The following DTNA variants were observed in gnomAD, a reference collection of about 807,000 sequenced individuals.
DTNA encodes the protein dystrobrevin alpha, also known as dystrophin-related protein 3.
DTNA carries 43 observed loss-of-function variants against 100.7 expected under a neutral mutation model. The observed-to-expected ratio is 0.43, with a 90% confidence interval of 0.33 to 0.55. The LOEUF (loss-of-function observed/expected upper bound fraction) is 0.55, where lower values mean the gene tolerates loss of function less well. Ranked by LOEUF, DTNA falls within the 20% of genes least tolerant of loss-of-function variation. The pLI, the probability that DTNA is intolerant of heterozygous loss-of-function variation, is 0.04. For missense variants in DTNA, 798 were observed against 953.9 expected (o/e 0.84, Z 2.15); for synonymous variants, 349 against 347.9 (o/e 1.00, Z -0.04).
At chr18:34,517,218 T>C (rs1284881336) in intron 1 of DTNA, among the ~76,000 whole-genome samples, 2 of 152,110 alleles carry the variant, frequency 1.3e-5, no homozygotes, top group Non-Finnish European at 2.9e-5. Flanking sequence ...TGGAACGTCT[T>C]ACACTGAAGC....
At chr18:34,580,791 G>T (rs934167215) in intron 1 of DTNA, among the ~76,000 whole-genome samples, 1 of 152,122 alleles carries the variant, frequency 6.6e-6, no homozygotes, top group South Asian at 2.1e-4. Flanking sequence ...ACCTTGAGGG[G>T]ATCTCCATCA....
intron 13 of DTNA, among the ~76,000 whole-genome samples, chr18:34,847,643 G>C (rs976971620): frequency 6.6e-6 from 1 of 152,120 alleles, no homozygotes; most frequent in Non-Finnish European, 1.5e-5. Flanking sequence ...TCATCACCTA[G>C]GTCTTTCCAT....
intron 1 of DTNA, among the ~76,000 whole-genome samples, chr18:34,601,474 A>G (rs894009527): frequency 1.3e-5 from 2 of 152,162 alleles, no homozygotes; most frequent in Non-Finnish European, 2.9e-5. Context: ...TCTGGAGTCA[A>G]GTCCCTCCTC....
chr18:34,517,463 G>GTGTGTA (rs2041753409), intron 1 of DTNA, among the ~76,000 whole-genome samples: 1 of 149,264 alleles, frequency 6.7e-6, no homozygotes, highest in Non-Finnish European at 1.5e-5. Flanking sequence ...ATATACACGT[G>GTGTGTA]TGTGTGTGTG....
rs527934885 is a variant in DTNA at position 34,852,406 on chromosome 18, A to G, written c.1532+478A>G. 1.0e-3 allele frequency among the ~76,000 whole-genome samples: 158 copies of G among 152,250 alleles called. 1 individual carries two copies. The highest frequency in any genetic ancestry group is 1.8e-3 in the Non-Finnish European group (123 of 68,002). Reference sequence around the variant, plus strand: ...ATCCAAAGATCTCCACCTGCAGCCCATCAGCAGGTTCTTCCTCTATTCAAC... The same window carrying G: ...ATCCAAAGATCTCCACCTGCAGCCCGTCAGCAGGTTCTTCCTCTATTCAAC... On this transcript the variant is annotated intron_variant, in intron 15 of 22. Transcript: ENST00000444659.
intron 1 of DTNA, among the ~76,000 whole-genome samples, chr18:34,597,205 G>C (rs937390933): frequency 1.3e-5 from 2 of 152,090 alleles, no homozygotes; most frequent in Non-Finnish European, 2.9e-5. Flanking sequence ...TGGCTGTGCA[G>C]TATTATTTGT....
chr18:34,738,825 C>T (rs1361110055), intron 1 of DTNA, among the ~76,000 whole-genome samples: 9 of 152,180 alleles, frequency 5.9e-5, no homozygotes, highest in Non-Finnish European at 1.2e-4. Flanking sequence ...GTGCAGAATG[C>T]ATGCCTAGAG....
intron 1 of DTNA, among the ~76,000 whole-genome samples, chr18:34,625,609 CT>C (rs1220136900): frequency 3.9e-5 from 6 of 152,130 alleles, no homozygotes; most frequent in Non-Finnish European, 8.8e-5. Context: ...AAATATATGT[CT>C]ACATTTATAC....
In DTNA at chr18:34,888,605, A is replaced by T. The variant is rs187385677; in HGVS notation, c.*871A>T. On this transcript the variant is annotated 3_prime_UTR_variant, in exon 23 of 23. Transcript: ENST00000444659. ...ATAGAATCTAGTTTTTAAAATCAGC[A>T]CAGATCTTCTTAAAAACTGTGAACT... 5.5e-5 allele frequency: 54 copies of T among 985,886 alleles called. No homozygotes were observed. The East Asian group carries it at 5.7e-3, about 104-fold the overall frequency. The allele number at this position is 985,886 out of a possible 1,614,324, so 61.1% of individuals were successfully genotyped here.
chr18:34,704,978 C>T lies in DTNA; in HGVS notation c.-1-50998C>T, dbSNP rs575696676. ...CTGGGTTTACAGGATATGGGAATGTCACAGAGAGCGACCAGACAGGTACTT... is the reference window on the plus strand; with the variant it reads ...CTGGGTTTACAGGATATGGGAATGTTACAGAGAGCGACCAGACAGGTACTT... On this transcript the variant is annotated intron_variant, in intron 1 of 19. Transcript: ENST00000283365. Among the ~76,000 whole-genome samples, 147 of 152,264 alleles carry T rather than the reference C, an allele frequency of 9.7e-4. 1 individual carries two copies. Among genetic ancestry groups the T allele is most frequent in the Non-Finnish European group, 9.8e-4 (67 of 68,022 alleles).
intron 1 of DTNA, among the ~76,000 whole-genome samples, chr18:34,661,676 C>T (rs552957963): frequency 2.6e-4 from 39 of 152,246 alleles, no homozygotes; most frequent in African/African-American, 8.9e-4. Context: ...GGCATATTTT[C>T]ACCACTAGAG....
At chr18:34,537,497 A>G (rs1189126772) in intron 1 of DTNA, among the ~76,000 whole-genome samples, 1 of 152,016 alleles carries the variant, frequency 6.6e-6, no homozygotes, top group East Asian at 1.9e-4. Flanking sequence ...GATTAAAAAT[A>G]TAAATAACAT....
chr18:34,778,812 T>A (rs2094182328), intron 3 of DTNA, among the ~76,000 whole-genome samples: 1 of 149,968 alleles, frequency 6.7e-6, no homozygotes, highest in South Asian at 2.1e-4. Context: ...GAAAGTTTGT[T>A]GTTGTTGTTG....
chr18:34,686,757 C>T (rs1018312724), intron 1 of DTNA, among the ~76,000 whole-genome samples: 2 of 152,024 alleles, frequency 1.3e-5, no homozygotes, highest in African/African-American at 4.8e-5. Context: ...GGCTATGAAT[C>T]CGTCTAGTCC....
chr18:34,793,624 T>G (rs2094843767), intron 3 of DTNA, among the ~76,000 whole-genome samples: 2 of 152,334 alleles, frequency 1.3e-5, no homozygotes, highest in East Asian at 3.9e-4. Context: ...GCCTTTTCTT[T>G]TTGAGGGGGC....
chr18:34,695,049 A>G (rs1317518478), intron 1 of DTNA, among the ~76,000 whole-genome samples: 3 of 152,200 alleles, frequency 2.0e-5, no homozygotes, highest in Non-Finnish European at 4.4e-5. Context: ...CTCCTTTGGC[A>G]AAGAACATTT....
chr18:34,628,042 C>T (rs2057571990), intron 1 of DTNA, among the ~76,000 whole-genome samples: 1 of 152,108 alleles, frequency 6.6e-6, no homozygotes, highest in South Asian at 2.1e-4. Context: ...ACTTCTGCCT[C>T]AGCCTCCCAA....
intron 16 of DTNA, among the ~76,000 whole-genome samples, chr18:34,861,808 A>G (rs960535758): frequency 7.9e-5 from 12 of 152,134 alleles, no homozygotes; most frequent in Admixed American, 2.0e-4. Flanking sequence ...ATAAATGTAC[A>G]ATTAGATTTT....
chr18:34,534,051 A>G (rs1292278742), intron 1 of DTNA, among the ~76,000 whole-genome samples: 1 of 152,134 alleles, frequency 6.6e-6, no homozygotes, highest in Non-Finnish European at 1.5e-5. Flanking sequence ...AAGGGACTTC[A>G]AAAATACATT....
Sources: gnomAD v4.1 joint callset for allele counts (sites outside exome capture counted in the v4.1 genomes callset) on GRCh38, gnomAD v4.1.1 for gene constraint, MANE v1.5 for transcripts, NCBI Gene and HGNC (gene_info 2026-07-23, HGNC 2026-07-21) for gene names.